Variants in KCNG3 observed in about 807,000 individuals in gnomAD.
KCNG3 encodes the protein potassium voltage-gated channel modifier subfamily G member 3.
A neutral mutation model predicts 29.0 loss-of-function variants in KCNG3; 15 were observed. The ratio of observed to expected loss-of-function variants is 0.52; its 90% CI spans 0.35 to 0.80. The LOEUF (loss-of-function observed/expected upper bound fraction) is 0.80. Ranked by LOEUF, KCNG3 falls within the 30% of genes least tolerant of loss-of-function variation. KCNG3 has a pLI of 0.01. For synonymous variants in KCNG3, 322 were observed against 248.9 expected (o/e 1.29, Z -2.76); for missense variants, 512 against 605.7 (o/e 0.85, Z 1.62).
At position 42,454,841 on chromosome 2, in the gene KCNG3, G is replaced by C. The variant is rs550040194; in HGVS notation, c.666-10262C>G. Among the ~76,000 whole-genome samples, 10 of 152,224 alleles carry C rather than the reference G, an allele frequency of 6.6e-5. No individual in the cohort carries two copies. In the South Asian group the frequency reaches 1.0e-3, roughly 16 times the overall value. On this transcript the variant is annotated intron_variant, in intron 1 of 1. Transcript: ENST00000306078. ...CCACTTACATGAGGTATCTAAACTAGTCAAATTCACAGAAACAAAAAGATG... is the reference window on the plus strand; with the variant it reads ...CCACTTACATGAGGTATCTAAACTACTCAAATTCACAGAAACAAAAAGATG...
the KCNG3 span, among the ~76,000 whole-genome samples, chr2:42,410,040 C>T: frequency 6.6e-6 from 1 of 152,110 alleles, no homozygotes; most frequent in Non-Finnish European, 1.5e-5. Context: ...CACCCCCTTC[C>T]CACACAAAAG....
chr2:42,436,514 C>T, the KCNG3 span, among the ~76,000 whole-genome samples: 5 of 152,198 alleles, frequency 3.3e-5, no homozygotes, highest in African/African-American at 1.2e-4. Flanking sequence ...CTGCCAATAA[C>T]ACTGACTGGT....
At chr2:42,445,074 A>T (rs796982596) in intron 1 of KCNG3, among the ~76,000 whole-genome samples, 1,151 of 12,648 alleles carry the variant, frequency 0.091, 17 homozygotes, top group East Asian at 0.27. Flanking sequence ...CTCAAAAATT[A>T]AAAAAAAAAA....
chr2:42,419,219 C>CTTTTTTTTTTTTTTTTTTTTT, the KCNG3 span, among the ~76,000 whole-genome samples: 5 of 27,736 alleles, frequency 1.8e-4, 2 homozygotes, highest in African/African-American at 2.4e-4. Context: ...GATGGTATCT[C>CTTTTTTTTTTTTTTTTTTTTT]TTTTTTTTTT....
At position 42,458,295 on chromosome 2, in the gene KCNG3, T is replaced by C. The variant is rs1442225481; in HGVS notation, c.666-13716A>G. 3.9e-5 allele frequency among the ~76,000 whole-genome samples: 6 copies of C among 152,138 alleles called. 1 individual carries two copies. Among genetic ancestry groups the C allele is most frequent in the Non-Finnish European group, 8.8e-5 (6 of 68,006 alleles). On this transcript the variant is annotated intron_variant, in intron 1 of 1. Transcript: ENST00000306078. ...CTCTTTTCCTGCAATCACCTCCACCTTTGCTTTTCTCACTTTCCCTTAGCA... is the reference window on the plus strand; with the variant it reads ...CTCTTTTCCTGCAATCACCTCCACCCTTGCTTTTCTCACTTTCCCTTAGCA...
At chr2:42,470,882 T>C (rs560967299) in intron 1 of KCNG3, among the ~76,000 whole-genome samples, 1 of 148,732 alleles carries the variant, frequency 6.7e-6, no homozygotes, top group Non-Finnish European at 1.5e-5. Context: ...GGGGGCCAGG[T>C]GGCGTGGCTC....
At chr2:42,400,799 T>G in the KCNG3 span, among the ~76,000 whole-genome samples, 413 of 152,074 alleles carry the variant, frequency 2.7e-3, 2 homozygotes, top group South Asian at 1.0e-2. Flanking sequence ...TTTTTTCCCC[T>G]ATGGTATTTT....
chr2:42,465,224 T>TC lies in KCNG3; in HGVS notation c.666-20646_666-20645insG, dbSNP rs200823728. On this transcript the variant is annotated intron_variant, in intron 1 of 1. Transcript: ENST00000306078. ...TATTTAATTTCTTTCTTTCTTTCTTTTTTTTTTTTTGAAACAGGGTTTGGC... is the reference window on the plus strand; with the variant it reads ...TATTTAATTTCTTTCTTTCTTTCTTTCTTTTTTTTTTGAAACAGGGTTTGGC... Among the ~76,000 whole-genome samples the TC allele has an allele frequency of 2.0e-3, 309 of 151,284 alleles. 8 individuals are homozygous for TC. The East Asian group carries it at 0.047, about 23-fold the overall frequency.
At chr2:42,475,383 C>T (rs1230503478) in intron 1 of KCNG3, among the ~76,000 whole-genome samples, 2 of 144,180 alleles carry the variant, frequency 1.4e-5, no homozygotes, top group East Asian at 2.1e-4. Flanking sequence ...TGGAGGAGTA[C>T]AGTGGTGCGA....
At chr2:42,410,322 A>C in the KCNG3 span, among the ~76,000 whole-genome samples, 29 of 152,214 alleles carry the variant, frequency 1.9e-4, no homozygotes, top group Non-Finnish European at 4.0e-4. Flanking sequence ...ATACATTATC[A>C]GAAGTGGTAC....
chr2:42,474,325 C>T (rs1673367919), intron 1 of KCNG3, among the ~76,000 whole-genome samples: 3 of 151,830 alleles, frequency 2.0e-5, no homozygotes, highest in South Asian at 2.1e-4. Flanking sequence ...TTCAGGAGTT[C>T]GAGACCAGCC....
intron 1 of KCNG3, among the ~76,000 whole-genome samples, chr2:42,473,390 C>T (rs1376878256): frequency 1.3e-5 from 2 of 151,276 alleles, no homozygotes; most frequent in African/African-American, 4.9e-5. Flanking sequence ...CACTCTGTCT[C>T]CCATGGTGGA....
rs1254798944 is a variant in KCNG3 at position 42,442,581 on chromosome 2, CCT to C, written c.*1351_*1352del. 1.3e-5 allele frequency: 2 copies of C among 152,170 alleles called. No homozygotes were observed. The highest frequency in any genetic ancestry group is 2.4e-5 in the African/African-American group (1 of 41,430). 9.4% of individuals were successfully genotyped at this position (152,170 alleles called of 1,614,324 possible). ...CTCCATCACCCACCACTTCCCAATC[CCT>C]GTCTTCTCTACCTCTGACAAAATTA... On this transcript the variant is annotated 3_prime_UTR_variant, in exon 2 of 2. Transcript: ENST00000306078.
chr2:42,446,493 T>C (rs1177686452), intron 1 of KCNG3, among the ~76,000 whole-genome samples: 1 of 152,064 alleles, frequency 6.6e-6, no homozygotes, highest in African/African-American at 2.4e-5. Flanking sequence ...ATTTTTAACA[T>C]TCGAAATTAA....
At chr2:42,468,571 A>T (rs1673202381) in intron 1 of KCNG3, among the ~76,000 whole-genome samples, 1 of 152,248 alleles carries the variant, frequency 6.6e-6, no homozygotes, top group Non-Finnish European at 1.5e-5. Context: ...GATGAAAATC[A>T]TAAAACTTTA....
the KCNG3 span, among the ~76,000 whole-genome samples, chr2:42,428,299 A>C: frequency 6.6e-6 from 1 of 151,772 alleles, no homozygotes; most frequent in South Asian, 2.1e-4. Context: ...ATCTCCATTA[A>C]AAATACAAAA....
chr2:42,469,914 T>C, intron 1 of KCNG3: 1 of 302,294 alleles, frequency 3.3e-6, no homozygotes, highest in South Asian at 5.6e-5. Flanking sequence ...TCTGATGAAA[T>C]GAAGGAGATT....
chr2:42,401,932 A>C, the KCNG3 span, among the ~76,000 whole-genome samples: 1 of 152,048 alleles, frequency 6.6e-6, no homozygotes, highest in African/African-American at 2.4e-5. Context: ...CCAGAGAAAT[A>C]CTGTGATGGT....
chr2:42,425,396 C>A, the KCNG3 span, among the ~76,000 whole-genome samples: 1 of 104,614 alleles, frequency 9.6e-6, no homozygotes, highest in Admixed American at 9.3e-5. Flanking sequence ...AAGACTCCGT[C>A]TCAAAAAAAA....
Sources: gnomAD v4.1 joint callset for allele counts (sites outside exome capture counted in the v4.1 genomes callset) on GRCh38, gnomAD v4.1.1 for gene constraint, MANE v1.5 for transcripts, NCBI Gene and HGNC (gene_info 2026-07-23, HGNC 2026-07-21) for gene names.